Variants in CEP162 observed in about 807,000 individuals in gnomAD.
CEP162 encodes centrosomal protein of 162 kDa.
Under a neutral mutation model 169.2 loss-of-function variants are expected in CEP162, and 141 were observed. The ratio of observed to expected loss-of-function variants is 0.83; its 90% CI spans 0.73 to 0.96. CEP162 has a LOEUF of 0.96. Ranked by LOEUF, CEP162 falls within the 40% of genes least tolerant of loss-of-function variation. The pLI is 0.00. For synonymous variants in CEP162, 540 were observed against 526.4 expected (o/e 1.03, Z -0.35); for missense variants, 1,600 against 1,587.2 (o/e 1.01, Z -0.14).
At chr6:84,179,350 A>C (rs2129226287) in intron 13 of CEP162, among the ~76,000 whole-genome samples, 1 of 152,298 alleles carries the variant, frequency 6.6e-6, no homozygotes, top group African/African-American at 2.4e-5. Context: ...AATGATCGCC[A>C]TTCTAACTGG....
At chr6:84,222,580 T>A (rs2099554135) in intron 2 of CEP162, among the ~76,000 whole-genome samples, 1 of 152,236 alleles carries the variant, frequency 6.6e-6, no homozygotes, top group Non-Finnish European at 1.5e-5. Context: ...TTACTCATGG[T>A]GAAACTGAAG....
intron 6 of CEP162, among the ~76,000 whole-genome samples, chr6:84,206,858 TCAAA>T (rs1394074252): frequency 7.2e-5 from 11 of 152,142 alleles, no homozygotes; most frequent in African/African-American, 2.7e-4. Flanking sequence ...TACAAAGAAC[TCAAA>T]CAAATTTATA....
At chr6:84,167,846 C>T (rs2099528450) in intron 18 of CEP162, among the ~76,000 whole-genome samples, 1 of 152,088 alleles carries the variant, frequency 6.6e-6, no homozygotes, top group Non-Finnish European at 1.5e-5. Context: ...GACATCTCAG[C>T]TTCTTTTTTC....
intron 25 of CEP162, among the ~76,000 whole-genome samples, chr6:84,139,288 T>C (rs763861924): frequency 4.6e-5 from 7 of 152,200 alleles, no homozygotes; most frequent in Non-Finnish European, 5.9e-5. Context: ...CTTTGTAGCC[T>C]AAAAACGACT....
intron 24 of CEP162, among the ~76,000 whole-genome samples, chr6:84,147,788 TATAAC>T (rs958476906): frequency 2.0e-5 from 3 of 152,146 alleles, no homozygotes; most frequent in Non-Finnish European, 2.9e-5. Context: ...ATGGCTTAAA[TATAAC>T]ATAAGCCTCA....
intron 2 of CEP162, among the ~76,000 whole-genome samples, chr6:84,222,774 A>G (rs1475492214): frequency 2.1e-5 from 3 of 146,300 alleles, no homozygotes; most frequent in Non-Finnish European, 4.5e-5. Flanking sequence ...ACGCGCGTGC[A>G]CACACACACA....
chr6:84,177,814 G>A (rs979712155), intron 13 of CEP162, among the ~76,000 whole-genome samples: 3 of 152,172 alleles, frequency 2.0e-5, no homozygotes, highest in Non-Finnish European at 4.4e-5. Flanking sequence ...TGGGATTACA[G>A]GTGTGAGTCA....
At chr6:84,204,816 A>G (rs942211818) in intron 6 of CEP162, among the ~76,000 whole-genome samples, 16 of 152,318 alleles carry the variant, frequency 1.1e-4, no homozygotes, top group African/African-American at 3.8e-4. Flanking sequence ...GATCAACAAA[A>G]TTGATAGACT....
chr6:84,170,443 A>C (rs1299683886), intron 17 of CEP162, among the ~76,000 whole-genome samples: 2 of 150,902 alleles, frequency 1.3e-5, no homozygotes, highest in Non-Finnish European at 3.0e-5. Flanking sequence ...TGTGCAGATT[A>C]TCACACATGG....
chr6:84,174,209 T>C, intron 15 of CEP162, 21 bp from the exon 16 acceptor site: 1 of 1,586,262 alleles, frequency 6.3e-7, no homozygotes, highest in Non-Finnish European at 8.6e-7. Context: ...TTGCAGAAAT[T>C]GTTTTATTTG....
chr6:84,165,747 T>A (rs1441972049), intron 18 of CEP162, among the ~76,000 whole-genome samples: 2 of 152,182 alleles, frequency 1.3e-5, no homozygotes, highest in Non-Finnish European at 2.9e-5. Flanking sequence ...TCTTATAAAC[T>A]CTGTTTTATA....
chr6:84,190,424 A>T (rs569531950), intron 11 of CEP162, among the ~76,000 whole-genome samples: 2 of 152,190 alleles, frequency 1.3e-5, no homozygotes, highest in African/African-American at 4.8e-5. Context: ...CCCCTTCCAC[A>T]CTGTGGAAGC....
intron 3 of CEP162, among the ~76,000 whole-genome samples, chr6:84,216,730 T>C (rs893893161): frequency 3.3e-5 from 5 of 152,162 alleles, no homozygotes; most frequent in African/African-American, 1.2e-4. Context: ...GAAATATATG[T>C]GGAGAGAATT....
chr6:84,148,030 C>A (rs2099519691), intron 24 of CEP162, among the ~76,000 whole-genome samples: 1 of 152,106 alleles, frequency 6.6e-6, no homozygotes, highest in South Asian at 2.1e-4. Flanking sequence ...CATGATACTA[C>A]TTTTCCTACC....
intron 18 of CEP162, among the ~76,000 whole-genome samples, chr6:84,168,538 A>T (rs911633289): frequency 3.9e-5 from 6 of 152,092 alleles, no homozygotes; most frequent in African/African-American, 1.4e-4. Flanking sequence ...ATCATTCTCA[A>T]AGGGAGGGGT....
At chr6:84,226,684 C>G (rs2099555865) in intron 1 of CEP162, among the ~76,000 whole-genome samples, 2 of 152,180 alleles carry the variant, frequency 1.3e-5, no homozygotes, top group African/African-American at 2.4e-5. Context: ...TGTTAACATC[C>G]AATTGTTAAA....
chr6:84,211,373 A>C (rs1294059196), intron 6 of CEP162, among the ~76,000 whole-genome samples: 4 of 151,848 alleles, frequency 2.6e-5, no homozygotes, highest in African/African-American at 9.7e-5. Context: ...CTAAAAATAC[A>C]AAAGATTAGC....
Position 84,125,161 on chromosome 6 carries a change from T to A in CEP162, c.4121A>T (p.Asp1374Val). 6.2e-7 allele frequency: 1 copy of A among 1,613,614 alleles called. No homozygotes were observed. Among genetic ancestry groups the A allele is most frequent in the Admixed American group, 1.7e-5 (1 of 59,936 alleles). ...CTCTCGGAGAACATCTAATATTGAG[T>A]CTAGTTCTGTGCGGAACTTCTCCAG... ...RELEKFRTELDSILDVLRELH... is the reference protein window; with the variant it reads ...RELEKFRTELVSILDVLRELH... Residue 1374 changes from aspartate to valine, a missense_variant, in exon 27 of 27, where the codon GAC (aspartate) becomes GTC (valine). Transcript: ENST00000403245.
chr6:84,218,848 C>T (rs2099552557), intron 3 of CEP162, among the ~76,000 whole-genome samples: 1 of 152,184 alleles, frequency 6.6e-6, no homozygotes, highest in Non-Finnish European at 1.5e-5. Flanking sequence ...GGTTGGTGTG[C>T]TGTAGTGGCA....
Sources: allele counts gnomAD v4.1 joint callset (sites outside exome capture counted in the v4.1 genomes callset), GRCh38; gene constraint gnomAD v4.1.1; transcripts MANE v1.5; gene names NCBI Gene and HGNC (gene_info 2026-07-23, HGNC 2026-07-21).